Variants in PABPC4L observed in about 807,000 individuals in gnomAD.
PABPC4L encodes polyadenylate-binding protein 4-like.
For missense variants in PABPC4L, 452 were observed against 451.4 expected, an observed-to-expected ratio of 1.00 and a Z score of -0.01; for synonymous variants, 169 against 164.1, an observed-to-expected ratio of 1.03 and a Z score of -0.23.
chr4:134,032,839 TTATTA>T, the PABPC4L span, among the ~76,000 whole-genome samples: 239 of 151,916 alleles, frequency 1.6e-3, 3 homozygotes, highest in Non-Finnish European at 4.7e-4. Flanking sequence ...AATACTTACT[TTATTA>T]TAAGATGTTA....
the PABPC4L span, among the ~76,000 whole-genome samples, chr4:133,974,426 C>G: frequency 6.6e-6 from 1 of 151,878 alleles, no homozygotes; most frequent in Non-Finnish European, 1.5e-5. Context: ...TAGAAGAAAA[C>G]ATAGCGTTAA....
chr4:134,091,684 GAATA>G, the PABPC4L span, among the ~76,000 whole-genome samples: 1 of 151,504 alleles, frequency 6.6e-6, no homozygotes, highest in East Asian at 1.9e-4. Context: ...ACATTGTCAA[GAATA>G]AATAAATTTT....
At chr4:134,013,318 C>T in the PABPC4L span, among the ~76,000 whole-genome samples, 119 of 152,018 alleles carry the variant, frequency 7.8e-4, 2 homozygotes, top group East Asian at 0.011. Flanking sequence ...ATTTCCACAC[C>T]GCGACCCCTT....
chr4:134,094,830 G>GA, the PABPC4L span, among the ~76,000 whole-genome samples: 1 of 151,588 alleles, frequency 6.6e-6, no homozygotes, highest in African/African-American at 2.4e-5. Context: ...AATTTCATTA[G>GA]AAAAATGTGA....
rs1729658719 is a variant in PABPC4L, at chr4:134,196,456, C to T, written c.*3451G>A. On this transcript the variant is annotated 3_prime_UTR_variant, in exon 2 of 2. Transcript: ENST00000421491. ...TTTTATTTTTACCAACTATAAATTC[C>T]TATTTGAAATTTAAAAGATAAAATG... The T allele has an allele frequency of 6.6e-6, 1 of 151,374 alleles. No homozygotes were observed. Among genetic ancestry groups the T allele is most frequent in the Non-Finnish European group, 1.5e-5 (1 of 67,628 alleles). 9.4% of individuals were successfully genotyped at this position (151,374 alleles called of 1,614,324 possible). A position where few individuals can be genotyped will look rare whatever the true frequency, so the allele number is the denominator to read the frequency against.
chr4:134,186,243 A>G, the PABPC4L span, among the ~76,000 whole-genome samples: 1 of 152,180 alleles, frequency 6.6e-6, no homozygotes. Flanking sequence ...ATCCTAAGCC[A>G]AAAGAACAAA....
chr4:134,116,251 T>G, the PABPC4L span, among the ~76,000 whole-genome samples: 2 of 151,784 alleles, frequency 1.3e-5, no homozygotes, highest in Non-Finnish European at 2.9e-5. Flanking sequence ...AAGTTTACAA[T>G]TATAAGTCCA....
At chr4:134,141,395 T>C in the PABPC4L span, among the ~76,000 whole-genome samples, 1 of 151,420 alleles carries the variant, frequency 6.6e-6, no homozygotes, top group South Asian at 2.1e-4. Flanking sequence ...GTATGCTTCC[T>C]TTCATCACCT....
At chr4:134,073,652 C>T in the PABPC4L span, among the ~76,000 whole-genome samples, 2 of 152,214 alleles carry the variant, frequency 1.3e-5, no homozygotes, top group Non-Finnish European at 2.9e-5. Context: ...AGAGGTTCTC[C>T]ATGAGGGCTT....
the PABPC4L span, among the ~76,000 whole-genome samples, chr4:134,185,013 G>A: frequency 6.6e-6 from 1 of 151,886 alleles, no homozygotes; most frequent in Non-Finnish European, 1.5e-5. Context: ...TTTAAATCAG[G>A]TAATTCACTT....
the PABPC4L span, among the ~76,000 whole-genome samples, chr4:134,055,639 T>TTTG: frequency 3.3e-5 from 5 of 151,646 alleles, no homozygotes. Context: ...GGTTTTTTTT[T>TTTG]TTTTTTTGGC....
intron 1 of PABPC4L, 65 bp from the exon 2 acceptor site, chr4:134,201,310 C>T (rs1293627992): frequency 1.5e-6 from 2 of 1,357,104 alleles, no homozygotes; most frequent in Admixed American, 5.5e-5. Flanking sequence ...TGTGAGAAAA[C>T]TTCAAGTGGC....
the PABPC4L span, among the ~76,000 whole-genome samples, chr4:134,127,581 C>T: frequency 8.5e-5 from 13 of 152,064 alleles, no homozygotes; most frequent in African/African-American, 3.1e-4. Flanking sequence ...TCTCAGGAAG[C>T]CCCATCCCTA....
At chr4:134,007,332 T>C in the PABPC4L span, among the ~76,000 whole-genome samples, 3 of 151,664 alleles carry the variant, frequency 2.0e-5, no homozygotes, top group Admixed American at 1.3e-4. Context: ...TCATAAAATA[T>C]TACTTTTTCA....
chr4:134,193,043 T>A (rs538107862), downstream of PABPC4L, among the ~76,000 whole-genome samples: 1 of 152,172 alleles, frequency 6.6e-6, no homozygotes, highest in East Asian at 1.9e-4. Context: ...TAATAAAAAA[T>A]TACCTAAATG....
At chr4:134,173,989 A>T in the PABPC4L span, among the ~76,000 whole-genome samples, 1 of 152,126 alleles carries the variant, frequency 6.6e-6, no homozygotes. Context: ...CATTGTACAG[A>T]ATATTTAGTA....
the PABPC4L span, among the ~76,000 whole-genome samples, chr4:134,014,833 A>G: frequency 6.6e-6 from 1 of 151,984 alleles, no homozygotes; most frequent in Non-Finnish European, 1.5e-5. Flanking sequence ...TTGACAGCCA[A>G]GCTTATAAAC....
At chr4:133,957,312 C>T in the PABPC4L span, among the ~76,000 whole-genome samples, 2 of 152,108 alleles carry the variant, frequency 1.3e-5, no homozygotes, top group Non-Finnish European at 2.9e-5. Flanking sequence ...TCTAGTGGGG[C>T]AGTCATTAAA....
the PABPC4L span, among the ~76,000 whole-genome samples, chr4:133,953,448 A>C: frequency 2.0e-5 from 3 of 152,162 alleles, no homozygotes; most frequent in Non-Finnish European, 4.4e-5. Flanking sequence ...GTTTCTTAGT[A>C]ATATCAGGCC....
Sources: gnomAD v4.1 joint callset for allele counts (sites outside exome capture counted in the v4.1 genomes callset) on GRCh38, gnomAD v4.1.1 for gene constraint, MANE v1.5 for transcripts, NCBI Gene and HGNC (gene_info 2026-07-23, HGNC 2026-07-21) for gene names.